Variants in STPG2 observed in about 807,000 individuals in gnomAD.
STPG2 encodes the protein sperm tail PG-rich repeat containing 2.
A neutral mutation model predicts 54.2 loss-of-function variants in STPG2; 56 were observed. That is an observed-to-expected ratio of 1.03 (90% confidence interval 0.83 to 1.29). STPG2 has a LOEUF of 1.29. STPG2 is among the 50% of genes most tolerant of loss of function. The pLI, the probability that STPG2 is intolerant of heterozygous loss-of-function variation, is 0.00. For missense variants in STPG2, 596 were observed against 544.9 expected, an observed-to-expected ratio of 1.09 and a Z score of -0.93; for synonymous variants, 200 against 181.8, an observed-to-expected ratio of 1.10 and a Z score of -0.81.
At chr4:97,839,183 G>T (rs1284496486) in intron 9 of STPG2, among the ~76,000 whole-genome samples, 1 of 151,550 alleles carries the variant, frequency 6.6e-6, no homozygotes, top group Non-Finnish European at 1.5e-5. Context: ...CTTCAAAGGA[G>T]CTTCAAAGGT....
At chr4:98,026,210 GT>G (rs1386933298) in intron 5 of STPG2, 1 of 1,180,732 alleles carries the variant, frequency 8.5e-7, no homozygotes, top group African/African-American at 1.5e-5. Flanking sequence ...GAAAGATCGG[GT>G]AGCTCAAAAG....
intron 4 of STPG2, among the ~76,000 whole-genome samples, chr4:97,526,580 T>G (rs1164960383): frequency 6.6e-6 from 1 of 152,168 alleles, no homozygotes; most frequent in Non-Finnish European, 1.5e-5. Flanking sequence ...ATCAGCCCTT[T>G]GTCAGATGGG....
At chr4:97,904,075 G>A (rs1321228950) in intron 8 of STPG2, among the ~76,000 whole-genome samples, 1 of 152,214 alleles carries the variant, frequency 6.6e-6, no homozygotes, top group African/African-American at 2.4e-5. Context: ...CAGCTGGAAA[G>A]CTCGAACTGG....
intron 8 of STPG2, among the ~76,000 whole-genome samples, chr4:97,932,251 C>T (rs1042693488): frequency 5.3e-5 from 8 of 152,024 alleles, no homozygotes; most frequent in Middle Eastern, 3.4e-3. Flanking sequence ...AGTTTAGCTC[C>T]GATTTTTGCT....
At chr4:97,681,751 C>T in intron 10 of STPG2, among the ~76,000 whole-genome samples, 1 of 151,744 alleles carries the variant, frequency 6.6e-6, no homozygotes, top group Non-Finnish European at 1.5e-5. Context: ...CTAGGTGTGG[C>T]AGAGTTGCTC....
At chr4:97,743,391 CT>C (rs1560511259) in intron 9 of STPG2, among the ~76,000 whole-genome samples, 1 of 151,694 alleles carries the variant, frequency 6.6e-6, no homozygotes, top group South Asian at 2.1e-4. Context: ...TTTGACCATT[CT>C]TTCACTTACA....
intron 10 of STPG2, among the ~76,000 whole-genome samples, chr4:97,636,002 C>G (rs1381436254): frequency 1.3e-5 from 2 of 152,162 alleles, no homozygotes; most frequent in East Asian, 3.9e-4. Context: ...TAATAGACAT[C>G]TACAGAACTC....
At chr4:97,966,944 G>T (rs780514711) in intron 7 of STPG2, among the ~76,000 whole-genome samples, 1 of 152,130 alleles carries the variant, frequency 6.6e-6, no homozygotes, top group Non-Finnish European at 1.5e-5. Context: ...GGAAGAAACA[G>T]CATCAACTAA....
intron 4 of STPG2, among the ~76,000 whole-genome samples, chr4:97,531,191 A>G (rs1731406531): frequency 6.6e-6 from 1 of 152,202 alleles, no homozygotes; most frequent in East Asian, 1.9e-4. Context: ...CTTTTATCCA[A>G]AAGATAGGCA....
intron 9 of STPG2, among the ~76,000 whole-genome samples, chr4:97,794,994 C>A (rs1214138683): frequency 6.6e-6 from 1 of 151,948 alleles, no homozygotes; most frequent in East Asian, 1.9e-4. Flanking sequence ...TAATAATACA[C>A]AGAAAAAAAA....
intron 1 of STPG2, among the ~76,000 whole-genome samples, chr4:98,140,530 CAA>C (rs1740252327): frequency 6.6e-6 from 1 of 152,042 alleles, no homozygotes; most frequent in Non-Finnish European, 1.5e-5. Context: ...AGGAACTAAT[CAA>C]ACAGGCACTG....
At chr4:97,846,438 A>G (rs1728951451) in intron 8 of STPG2, among the ~76,000 whole-genome samples, 2 of 152,002 alleles carry the variant, frequency 1.3e-5, no homozygotes, top group Admixed American at 6.6e-5. Context: ...CAGCCTGACC[A>G]ACATGGTGAA....
chr4:98,073,287 C>T (rs1051465598), intron 5 of STPG2, among the ~76,000 whole-genome samples: 4 of 151,938 alleles, frequency 2.6e-5, no homozygotes, highest in African/African-American at 9.7e-5. Context: ...TCTAACTCAG[C>T]TGAGTTAGAA....
At chr4:98,008,709 G>A (rs1735648726) in intron 5 of STPG2, among the ~76,000 whole-genome samples, 1 of 151,578 alleles carries the variant, frequency 6.6e-6, no homozygotes, top group Non-Finnish European at 1.5e-5. Context: ...ACAACATTAT[G>A]AGAGGAATAA....
At chr4:97,597,664 CT>C (rs1233781298) in intron 10 of STPG2, among the ~76,000 whole-genome samples, 4 of 152,026 alleles carry the variant, frequency 2.6e-5, no homozygotes. Flanking sequence ...GCAGAAAAGG[CT>C]TTTGATAAAA....
At chr4:97,535,272 C>T (rs934700515) in intron 4 of STPG2, among the ~76,000 whole-genome samples, 2 of 152,152 alleles carry the variant, frequency 1.3e-5, no homozygotes, top group Non-Finnish European at 2.9e-5. Flanking sequence ...TCCAGTTGCT[C>T]TGCAGCTCTC....
rs189367993 is a variant in STPG2, at chr4:98,072,060, A to G, written c.612+33893T>C. 2.6e-5 allele frequency among the ~76,000 whole-genome samples: 4 copies of G among 152,336 alleles called. No homozygotes were observed. The East Asian group carries it at 7.7e-4, about 29-fold the overall frequency. On this transcript the variant is annotated intron_variant, in intron 5 of 10. Transcript: ENST00000295268. ...TGACCCAGCAATCCCATTACTGGGT[A>G]CATACCCAAAGGAATGTAAATCATT...
chr4:97,886,811 G>A (rs975712373), intron 8 of STPG2, among the ~76,000 whole-genome samples: 8 of 152,186 alleles, frequency 5.3e-5, no homozygotes, highest in Admixed American at 5.2e-4. Context: ...CTGGTGGAAG[G>A]TGATTGAATC....
intron 4 of STPG2, among the ~76,000 whole-genome samples, chr4:97,551,209 C>A (rs1731959426): frequency 6.6e-6 from 1 of 152,090 alleles, no homozygotes; most frequent in Non-Finnish European, 1.5e-5. Flanking sequence ...TTCAGCTAGA[C>A]AGAAAAGTTC....
Sources: gnomAD v4.1 joint callset for allele counts (sites outside exome capture counted in the v4.1 genomes callset) on GRCh38, gnomAD v4.1.1 for gene constraint, MANE v1.5 for transcripts, NCBI Gene and HGNC (gene_info 2026-07-23, HGNC 2026-07-21) for gene names.